The following RASSF9 variants were observed in gnomAD, a reference collection of about 807,000 sequenced individuals.
RASSF9 encodes Ras association domain family member 9.
In RASSF9, 18 loss-of-function variants were observed where a neutral mutation model predicts 21.4. The ratio of observed to expected loss-of-function variants is 0.84; its 90% CI spans 0.58 to 1.25. The LOEUF is 1.25. Among genes scored for constraint, RASSF9 ranks in the 50% most tolerant of loss-of-function variants. RASSF9 has a pLI of 0.00. For synonymous variants in RASSF9, 183 were observed against 179.1 expected, an observed-to-expected ratio of 1.02 and a Z score of -0.18; for missense variants, 480 against 503.2, an observed-to-expected ratio of 0.95 and a Z score of 0.44.
At chr12:85,812,498 A>G (rs1879974745) in intron 1 of RASSF9, among the ~76,000 whole-genome samples, 1 of 151,150 alleles carries the variant, frequency 6.6e-6, no homozygotes, top group South Asian at 2.1e-4. Flanking sequence ...AATATTTTGA[A>G]AAATATATAG....
Position 85,805,789 on chromosome 12 carries a change from G to C in RASSF9, c.221C>G (p.Pro74Arg). Reference sequence around the variant, plus strand: ...CTTCTCTATGATGCAGTAATCACTGGGCTTCCCCAGAAGAAATCGTTTCTC... The same window carrying C: ...CTTCTCTATGATGCAGTAATCACTGCGCTTCCCCAGAAGAAATCGTTTCTC... The part of the protein sequence containing the change: ...FGEKRFLLGK[P>R]SDYCIIEKWR... The change falls in exon 2 of 2, where the codon CCC becomes CGC. Residue 74 changes from proline (P) to arginine (R), a missense_variant. Pro to Arg is a moderately radical substitution (Grantham distance 103, BLOSUM62 -2). Coordinates refer to ENST00000361228, the MANE Select transcript of RASSF9 (RefSeq NM_005447.4). The C allele has an allele frequency of 6.2e-7, 1 of 1,613,742 alleles. No homozygotes were observed. Among genetic ancestry groups the C allele is most frequent in the East Asian group, 2.2e-5 (1 of 44,846 alleles).
chr12:85,822,083 T>C (rs1250731814), intron 1 of RASSF9, among the ~76,000 whole-genome samples: 3 of 152,210 alleles, frequency 2.0e-5, no homozygotes, highest in Admixed American at 2.0e-4. Flanking sequence ...AAGTGCTTAT[T>C]AAAAGGAAAG....
intron 1 of RASSF9, among the ~76,000 whole-genome samples, chr12:85,814,214 C>T (rs1880013349): frequency 6.6e-6 from 1 of 152,052 alleles, no homozygotes; most frequent in African/African-American, 2.4e-5. Context: ...TGTTTATTCT[C>T]TAAACTGAAG....
rs187203747 is a variant in RASSF9, at chr12:85,805,514, G to T, written c.496C>A (p.Arg166=). The change falls in exon 2 of 2, where the codon CGG becomes AGG. Residue 166 remains arginine, a synonymous_variant. Transcript: ENST00000361228. The part of the protein sequence containing the change: ...KQKRIVRKTF[R]KLAKIKQDTV... ...TCCTGCTTAATTTTAGCCAGTTTCC[G>T]GAAAGTTTTCCTGACTATTCTTTTT... 6.2e-7 allele frequency: 1 copy of T among 1,613,856 alleles called. No individual in the cohort carries two copies.
At chr12:85,825,787 C>A (rs1262048432) in intron 1 of RASSF9, among the ~76,000 whole-genome samples, 1 of 61,044 alleles carries the variant, frequency 1.6e-5, no homozygotes, top group Non-Finnish European at 3.6e-5. Flanking sequence ...GATCTTTACA[C>A]ACACACACAC....
chr12:85,821,482 A>G (rs1293780733), intron 1 of RASSF9, among the ~76,000 whole-genome samples: 1 of 152,246 alleles, frequency 6.6e-6, no homozygotes, highest in Non-Finnish European at 1.5e-5. Flanking sequence ...ATATAGTGCT[A>G]TGAAAATAGT....
chr12:85,823,199 CA>C (rs1164958967), intron 1 of RASSF9, among the ~76,000 whole-genome samples: 9,678 of 93,012 alleles, frequency 0.1, 393 homozygotes, highest in Middle Eastern at 0.26. Context: ...AACTCCGTCT[CA>C]AAAAAAAAAA....
Position 85,804,821 on chromosome 12 carries a change from A to G in RASSF9, c.1189T>C (p.Phe397Leu). The G allele has an allele frequency of 6.2e-7, 1 of 1,613,202 alleles. No homozygotes were observed. Among genetic ancestry groups the G allele is most frequent in the Non-Finnish European group, 8.5e-7 (1 of 1,179,160 alleles). ...TAATTGCTAAATACTCTTTGAGTAAAGGGAGGAATCTCCCCATTGCTACTG... is the reference window on the plus strand; with the variant it reads ...TAATTGCTAAATACTCTTTGAGTAAGGGGAGGAATCTCCCCATTGCTACTG... ...VPSSNGEIPP[F>L]TQRVFSNYTN... The change falls in exon 2 of 2, where the codon TTT becomes CTT. Residue 397 changes from phenylalanine (F) to leucine (L), a missense_variant. Transcript: ENST00000361228.
intron 1 of RASSF9, among the ~76,000 whole-genome samples, chr12:85,809,459 A>C (rs1392425452): frequency 6.6e-6 from 1 of 152,016 alleles, no homozygotes; most frequent in Non-Finnish European, 1.5e-5. Flanking sequence ...CTTGTTCTAT[A>C]GTTGATGCAG....
At position 85,804,905 on chromosome 12, in the gene RASSF9, T is replaced by C. The variant is rs375633722; in HGVS notation, c.1105A>G (p.Ile369Val). 4.5e-5 allele frequency: 72 copies of C among 1,613,750 alleles called. No individual in the cohort carries two copies. The highest frequency in any genetic ancestry group is 1.3e-4 in the Admixed American group (8 of 60,008). ...AACTGGCACCCATCTTTGTTGCTAATGTGAAGTGAATTGAATTCCTTGGCC... is the reference window on the plus strand; with the variant it reads ...AACTGGCACCCATCTTTGTTGCTAACGTGAAGTGAATTGAATTCCTTGGCC... ...LLAKEFNSLH[I>V]SNKDGCQLKE... The change falls in exon 2 of 2, where the codon ATT becomes GTT. Residue 369 changes from isoleucine to valine, a missense_variant. Transcript: ENST00000361228.
intron 1 of RASSF9, among the ~76,000 whole-genome samples, chr12:85,829,453 A>G (rs1018674856): frequency 5.3e-5 from 8 of 152,188 alleles, no homozygotes; most frequent in African/African-American, 1.7e-4. Flanking sequence ...TATTTTAAAT[A>G]CTTCCATTGT....
chr12:85,824,216 A>G (rs942286984), intron 1 of RASSF9, among the ~76,000 whole-genome samples: 1 of 152,138 alleles, frequency 6.6e-6, no homozygotes, highest in Non-Finnish European at 1.5e-5. Context: ...AAACTATTCC[A>G]TTGCCTGAGT....
Position 85,817,344 on chromosome 12 carries a change from C to T in RASSF9, c.48-11382G>A, listed in dbSNP as rs113762814. Among the ~76,000 whole-genome samples, 57 of 152,140 alleles carry T rather than the reference C, an allele frequency of 3.7e-4. 1 individual carries two copies. The highest frequency in any genetic ancestry group is 1.1e-3 in the African/African-American group (45 of 41,532). ...TTAAATTCAATACTATCTTTTCCCA[C>T]GAATCAGTTATTAGAGTGCAACTAC... On this transcript the variant is annotated intron_variant, in intron 1 of 1. Coordinates refer to ENST00000361228, the MANE Select transcript of RASSF9 (RefSeq NM_005447.4).
At chr12:85,820,667 A>G (rs1880186462) in intron 1 of RASSF9, among the ~76,000 whole-genome samples, 1 of 152,220 alleles carries the variant, frequency 6.6e-6, no homozygotes, top group Non-Finnish European at 1.5e-5. Context: ...GTATAACTGC[A>G]TATATTCTAT....
chr12:85,809,883 TA>T (rs1287883018), intron 1 of RASSF9, among the ~76,000 whole-genome samples: 2 of 151,940 alleles, frequency 1.3e-5, no homozygotes, highest in Non-Finnish European at 2.9e-5. Flanking sequence ...TGTTACCTAC[TA>T]AAAAAGTAAT....
chr12:85,815,820 G>A (rs1313525034), intron 1 of RASSF9, among the ~76,000 whole-genome samples: 1 of 151,832 alleles, frequency 6.6e-6, no homozygotes, highest in Non-Finnish European at 1.5e-5. Flanking sequence ...ATTTGTTTAA[G>A]TTCCTTATAG....
At chr12:85,814,891 G>A (rs917798089) in intron 1 of RASSF9, among the ~76,000 whole-genome samples, 2 of 152,064 alleles carry the variant, frequency 1.3e-5, no homozygotes, top group Non-Finnish European at 2.9e-5. Flanking sequence ...GGGATAAAAA[G>A]AAGATGTGTG....
chr12:85,826,613 A>ACCTTGTTCACCCACAGCCACACAC (rs1555189584), intron 1 of RASSF9, among the ~76,000 whole-genome samples: 1 of 150,490 alleles, frequency 6.6e-6, no homozygotes. Flanking sequence ...GTGCCTGGCT[A>ACCTTGTTCACCCACAGCCACACAC]ATTTTTTGTA....
At chr12:85,836,040 A>G (rs2136566993) in intron 1 of RASSF9, 115 bp downstream of exon 1, 2 of 1,524,680 alleles carry the variant, frequency 1.3e-6, no homozygotes, top group East Asian at 2.5e-5. Context: ...GCCTTTTTTT[A>G]TCAGAATCTA....
Sources: gnomAD v4.1 joint callset for allele counts (sites outside exome capture counted in the v4.1 genomes callset) on GRCh38, gnomAD v4.1.1 for gene constraint, MANE v1.5 for transcripts, NCBI Gene and HGNC (gene_info 2026-07-23, HGNC 2026-07-21) for gene names.